Variants in HPSE2 observed in about 807,000 individuals in gnomAD.
HPSE2 encodes the protein inactive heparanase-2.
A neutral mutation model predicts 60.5 loss-of-function variants in HPSE2; 38 were observed. That is an observed-to-expected ratio of 0.63 (90% CI 0.48 to 0.82). HPSE2 has a LOEUF of 0.82. Among genes scored for constraint, HPSE2 ranks in the 40% least tolerant of loss-of-function variants. The pLI is 0.00. For synonymous variants in HPSE2, 295 were observed against 293.2 expected (o/e 1.01, Z -0.06); for missense variants, 713 against 740.4 (o/e 0.96, Z 0.43).
chr10:98,563,024 T>A (rs751219757), intron 9 of HPSE2, among the ~76,000 whole-genome samples: 15 of 152,146 alleles, frequency 9.9e-5, no homozygotes, highest in Non-Finnish European at 2.1e-4. Context: ...ATATATGTGT[T>A]CCTCAAAAGG....
chr10:98,671,036 AT>A (rs1483666698), intron 6 of HPSE2, among the ~76,000 whole-genome samples: 2 of 152,200 alleles, frequency 1.3e-5, no homozygotes, highest in Admixed American at 6.5e-5. Flanking sequence ...TGTTAAAAAA[AT>A]TTTGGATTTT....
chr10:98,461,563 G>A (rs572466324), intron 11 of HPSE2, among the ~76,000 whole-genome samples: 7 of 152,306 alleles, frequency 4.6e-5, no homozygotes, highest in Admixed American at 1.3e-4. Context: ...AAGCCCAGAT[G>A]GGTCTTCACA....
chr10:99,114,901 CAAA>C (rs1223188167), intron 3 of HPSE2, among the ~76,000 whole-genome samples: 3 of 54,506 alleles, frequency 5.5e-5, no homozygotes, highest in Admixed American at 2.1e-4. Context: ...GACTCCGTCT[CAAA>C]AAAAAAAAAA....
Position 98,816,175 on chromosome 10 carries a change from T to C in HPSE2, c.611-72119A>G, listed in dbSNP as rs182167696. On this transcript the variant is annotated intron_variant, in intron 3 of 11. Transcript: ENST00000370552. ...CACATGTACCCTAAAACTTAAAGTA[T>C]AATAATAATAAAATAATTTAAAAAA... Among the ~76,000 whole-genome samples, 59 of 152,142 alleles carry C rather than the reference T, an allele frequency of 3.9e-4. 1 individual carries two copies. The highest frequency in any genetic ancestry group is 1.4e-3 in the African/African-American group (57 of 41,510).
At chr10:98,936,693 A>T (rs1954801492) in intron 3 of HPSE2, among the ~76,000 whole-genome samples, 2 of 143,328 alleles carry the variant, frequency 1.4e-5, no homozygotes, top group South Asian at 4.2e-4. Context: ...TTATTTTGAA[A>T]GTTTTGGCCA....
chr10:98,842,086 G>A (rs1446119692), intron 3 of HPSE2, among the ~76,000 whole-genome samples: 3 of 152,154 alleles, frequency 2.0e-5, no homozygotes, highest in South Asian at 2.1e-4. Flanking sequence ...GATTACAGGC[G>A]TGCCACCGCA....
the HPSE2 span, among the ~76,000 whole-genome samples, chr10:99,300,169 C>T: frequency 4.6e-5 from 7 of 152,098 alleles, no homozygotes; most frequent in East Asian, 1.9e-4. Context: ...CCCCATTCAA[C>T]AGCCTCTAGG....
the HPSE2 span, among the ~76,000 whole-genome samples, chr10:99,304,740 A>G: frequency 1.3e-5 from 2 of 152,228 alleles, no homozygotes; most frequent in African/African-American, 4.8e-5. Context: ...CACTCCTGGG[A>G]CAAGGACTTT....
chr10:99,267,592 G>T, the HPSE2 span, among the ~76,000 whole-genome samples: 40 of 152,064 alleles, frequency 2.6e-4, no homozygotes, highest in Non-Finnish European at 5.1e-4. Flanking sequence ...GACCAGCCTG[G>T]CCAATATGGT....
chr10:98,796,070 T>C (rs1392732080), intron 3 of HPSE2, among the ~76,000 whole-genome samples: 1 of 152,120 alleles, frequency 6.6e-6, no homozygotes, highest in African/African-American at 2.4e-5. Flanking sequence ...GTGCTCACTT[T>C]AGGGTGTGAC....
At chr10:99,162,014 C>T (rs1332637005) in intron 2 of HPSE2, among the ~76,000 whole-genome samples, 3 of 152,108 alleles carry the variant, frequency 2.0e-5, no homozygotes, top group Non-Finnish European at 4.4e-5. Flanking sequence ...TGGTGGTTGA[C>T]AGAGGCTGAG....
intron 3 of HPSE2, among the ~76,000 whole-genome samples, chr10:98,974,012 T>C (rs1313801941): frequency 1.3e-5 from 2 of 152,110 alleles, no homozygotes; most frequent in Non-Finnish European, 2.9e-5. Context: ...ATTTGTAGGC[T>C]GGGCATGGTG....
intron 4 of HPSE2, among the ~76,000 whole-genome samples, chr10:98,727,688 A>C (rs997577272): frequency 2.6e-5 from 4 of 151,968 alleles, no homozygotes; most frequent in African/African-American, 4.8e-5. Context: ...ACAAAAAAAA[A>C]CAAACTAAAA....
chr10:98,893,794 G>A (rs1438643075), intron 3 of HPSE2, among the ~76,000 whole-genome samples: 1 of 151,980 alleles, frequency 6.6e-6, no homozygotes, highest in African/African-American at 2.4e-5. Context: ...TGACATTGCT[G>A]TAAGGACTGA....
intron 3 of HPSE2, among the ~76,000 whole-genome samples, chr10:98,945,352 C>A (rs1349877353): frequency 6.6e-6 from 1 of 152,040 alleles, no homozygotes; most frequent in African/African-American, 2.4e-5. Context: ...AGAATTCACT[C>A]CTTTTCTTTA....
intron 3 of HPSE2, among the ~76,000 whole-genome samples, chr10:98,955,520 T>C (rs1328883070): frequency 6.6e-6 from 1 of 152,160 alleles, no homozygotes; most frequent in African/African-American, 2.4e-5. Flanking sequence ...GGAATATAAA[T>C]TAGTTCAACC....
chr10:98,651,997 C>T (rs983352079), intron 6 of HPSE2, among the ~76,000 whole-genome samples: 5 of 152,140 alleles, frequency 3.3e-5, no homozygotes, highest in Admixed American at 3.3e-4. Flanking sequence ...TCTCAAACTC[C>T]TGACCTCAGG....
chr10:98,583,707 T>G (rs954725882), intron 9 of HPSE2, among the ~76,000 whole-genome samples: 2 of 152,218 alleles, frequency 1.3e-5, no homozygotes, highest in African/African-American at 4.8e-5. Context: ...AATAAACCCT[T>G]TGCTTGAAGA....
chr10:99,282,902 G>A, the HPSE2 span, among the ~76,000 whole-genome samples: 2 of 152,062 alleles, frequency 1.3e-5, no homozygotes, highest in Non-Finnish European at 2.9e-5. Flanking sequence ...AAAAAAGAAG[G>A]GGCTGAGCGT....
Sources: gnomAD v4.1 joint callset for allele counts (sites outside exome capture counted in the v4.1 genomes callset) on GRCh38, gnomAD v4.1.1 for gene constraint, MANE v1.5 for transcripts, NCBI Gene and HGNC (gene_info 2026-07-23, HGNC 2026-07-21) for gene names.